Variants in ESYT2 observed in about 807,000 individuals in gnomAD.
The protein encoded by ESYT2 is extended synaptotagmin 2.
Under a neutral mutation model 107.2 loss-of-function variants are expected in ESYT2, and 54 were observed. The observed-to-expected ratio is 0.50, with a 90% CI of 0.40 to 0.63. The LOEUF is 0.63. Among genes scored for constraint, ESYT2 ranks in the 30% least tolerant of loss-of-function variants. The probability of loss-of-function intolerance (pLI) is 0.00; values close to 1 mark genes in which losing one functional copy is unlikely to be tolerated. For missense variants in ESYT2, 1,020 were observed against 1,094.5 expected, an observed-to-expected ratio of 0.93 and a Z score of 0.96; for synonymous variants, 491 against 434.1, an observed-to-expected ratio of 1.13 and a Z score of -1.63.
chr7:158,765,016 T>G (rs1388728508), intron 8 of ESYT2, among the ~76,000 whole-genome samples, 163 bp from the exon 9 acceptor site: 1 of 151,816 alleles, frequency 6.6e-6, no homozygotes, highest in Non-Finnish European at 1.5e-5. Flanking sequence ...AATGCAAGTG[T>G]GTATAGGAGA....
intron 13 of ESYT2, among the ~76,000 whole-genome samples, chr7:158,756,244 T>C (rs116446548): frequency 0.019 from 2,922 of 152,282 alleles, 94 homozygotes; most frequent in African/African-American, 0.067. Flanking sequence ...CTTTCTGGGC[T>C]AATGACTAAG....
intron 7 of ESYT2, among the ~76,000 whole-genome samples, chr7:158,771,675 C>T (rs1838377453): frequency 6.6e-6 from 1 of 152,196 alleles, no homozygotes; most frequent in African/African-American, 2.4e-5. Flanking sequence ...AACACCGGCT[C>T]CATCTGAAGT....
At chr7:158,825,222 G>A (rs1018395177) in intron 1 of ESYT2, among the ~76,000 whole-genome samples, 2 of 152,208 alleles carry the variant, frequency 1.3e-5, no homozygotes, top group Admixed American at 6.5e-5. Context: ...AAACCCGGGA[G>A]GCAGAGGTTG....
chr7:158,814,769 ACT>A (rs1325130318), intron 1 of ESYT2, among the ~76,000 whole-genome samples: 1 of 152,234 alleles, frequency 6.6e-6, no homozygotes, highest in East Asian at 1.9e-4. Context: ...CTCCCAGGGC[ACT>A]GAGTATGGCC....
chr7:158,735,724 T>C lies in ESYT2; in HGVS notation c.2400-116A>G, dbSNP rs755333036. On this transcript the variant is annotated intron_variant, in intron 20 of 22. Transcript: ENST00000275418. ...CAAATGTCATGTTTGTTTTTTATTA[T>C]AAAACTGAGTTCTTCTACCTAATGT... The C allele has an allele frequency of 3.5e-5, 31 of 893,668 alleles. No individual in the cohort carries two copies. The East Asian group carries it at 5.9e-4, about 17-fold the overall frequency. The allele number at this position is 893,668 out of a possible 1,614,324, so 55.4% of individuals were successfully genotyped here.
At position 158,797,932 on chromosome 7, in the gene ESYT2, G is replaced by C; in HGVS notation, c.507+10C>G. On this transcript the variant is annotated intron_variant, in intron 3 of 22. Coordinates refer to ENST00000275418, the MANE Select transcript of ESYT2 (RefSeq NM_001367773.1). The stretch of plus-strand genomic sequence containing the variant: ...TGTGTGCACGTGAGGATACTTAAGA[G>C]AACACTGACCTGCTGGCCCACGTCG... 2.5e-6 allele frequency: 4 copies of C among 1,613,398 alleles called. No homozygotes were observed. Among genetic ancestry groups the C allele is most frequent in the South Asian group, 2.2e-5 (2 of 90,976 alleles).
chr7:158,826,270 C>A lies in ESYT2; in HGVS notation c.330+2819G>T, dbSNP rs532852536. 3.3e-5 allele frequency among the ~76,000 whole-genome samples: 5 copies of A among 152,068 alleles called. No homozygotes were observed. The South Asian group carries it at 1.0e-3, about 31-fold the overall frequency. On this transcript the variant is annotated intron_variant, in intron 1 of 22. Transcript: ENST00000275418. ...ATAATTTAAAAGATATTTTTAAAAT[C>A]TCTCTAAAACTGTCAACATAATCAC...
chr7:158,759,685 A>G, intron 12 of ESYT2, 104 bp from the exon 13 acceptor site: 1 of 914,640 alleles, frequency 1.1e-6, no homozygotes. Flanking sequence ...AAGAAAGGTG[A>G]GAAACCATCC....
chr7:158,807,691 G>C (rs887034724), intron 1 of ESYT2, among the ~76,000 whole-genome samples: 12 of 152,250 alleles, frequency 7.9e-5, no homozygotes, highest in South Asian at 6.2e-4. Flanking sequence ...AATATCTGGG[G>C]CACTTACGGG....
intron 14 of ESYT2, among the ~76,000 whole-genome samples, chr7:158,750,745 T>C (rs1837558865): frequency 6.6e-6 from 1 of 152,214 alleles, no homozygotes; most frequent in South Asian, 2.1e-4. Flanking sequence ...TCCTTTAATA[T>C]TAGATTCCCA....
At chr7:158,770,466 G>A (rs909860124) in intron 7 of ESYT2, among the ~76,000 whole-genome samples, 7 of 150,786 alleles carry the variant, frequency 4.6e-5, no homozygotes, top group Admixed American at 6.6e-5. Context: ...TTATCTGTTA[G>A]GTAAGTATAT....
Position 158,743,669 on chromosome 7 carries a change from C to A in ESYT2, c.1654G>T (p.Glu552Ter). The A allele has an allele frequency of 6.2e-7, 1 of 1,608,398 alleles. No individual in the cohort carries two copies. Among genetic ancestry groups the A allele is most frequent in the Non-Finnish European group, 8.5e-7 (1 of 1,178,578 alleles). The part of the protein sequence containing the change: ...RQDLEVEVRD[E>*]QHQCSLGNLK... ...TTCCCCAGGGAACACTGGTGCTGCTCGTCTCTGACCTGCAAAACACAGGGT... is the reference window on the plus strand; with the variant it reads ...TTCCCCAGGGAACACTGGTGCTGCTAGTCTCTGACCTGCAAAACACAGGGT... The change falls in exon 17 of 23, where the codon GAG becomes TAG. Residue 552 changes from glutamate (E) to a stop codon, truncating the protein, a stop_gained. Transcript: ENST00000275418. LOFTEE classifies it high-confidence loss of function.
intron 6 of ESYT2, among the ~76,000 whole-genome samples, chr7:158,782,987 A>C (rs932224318): frequency 1.4e-4 from 22 of 152,208 alleles, no homozygotes; most frequent in African/African-American, 5.1e-4. Flanking sequence ...TGGCTTTAGA[A>C]GGCGCCTTTG....
chr7:158,757,895 G>C (rs1182557079), intron 13 of ESYT2, among the ~76,000 whole-genome samples: 1 of 152,026 alleles, frequency 6.6e-6, no homozygotes, highest in Non-Finnish European at 1.5e-5. Context: ...CCCTAAAATA[G>C]AAAACAAATT....
chr7:158,740,367 G>A (rs1837148449), intron 18 of ESYT2, among the ~76,000 whole-genome samples: 1 of 152,232 alleles, frequency 6.6e-6, no homozygotes, highest in Non-Finnish European at 1.5e-5. Context: ...TAAATGTGCA[G>A]ATCTTATGAT....
intron 1 of ESYT2, 67 bp from the exon 2 acceptor site, chr7:158,799,139 C>A: frequency 2.2e-6 from 3 of 1,377,902 alleles, no homozygotes; most frequent in Non-Finnish European, 3.1e-6. Flanking sequence ...GTCAAGCAGG[C>A]AATTTCATAT....
At chr7:158,800,343 G>A (rs1563028756) in intron 1 of ESYT2, among the ~76,000 whole-genome samples, 1 of 151,886 alleles carries the variant, frequency 6.6e-6, no homozygotes, top group South Asian at 2.1e-4. Flanking sequence ...CACCGATCCC[G>A]GCCAAGGATA....
chr7:158,809,061 T>C (rs921948320), intron 1 of ESYT2, among the ~76,000 whole-genome samples: 4 of 152,138 alleles, frequency 2.6e-5, no homozygotes, highest in East Asian at 1.9e-4. Flanking sequence ...GATGTTCTGA[T>C]TGACAGCAAC....
chr7:158,735,195 A>C (rs1487221713), intron 21 of ESYT2, among the ~76,000 whole-genome samples: 2 of 152,274 alleles, frequency 1.3e-5, no homozygotes, highest in Non-Finnish European at 2.9e-5. Flanking sequence ...AAAGAGTAGA[A>C]GAAATTCACA....
Sources: gnomAD v4.1 joint callset for allele counts (sites outside exome capture counted in the v4.1 genomes callset) on GRCh38, gnomAD v4.1.1 for gene constraint, MANE v1.5 for transcripts, NCBI Gene and HGNC (gene_info 2026-07-23, HGNC 2026-07-21) for gene names.